EYA1: variants seen among roughly 807,000 people sequenced by gnomAD.
The protein encoded by EYA1 is EYA transcriptional coactivator and phosphatase 1.
A neutral mutation model predicts 82.0 loss-of-function variants in EYA1; 16 were observed. That is an observed-to-expected ratio of 0.20 (90% CI 0.13 to 0.30). The LOEUF (loss-of-function observed/expected upper bound fraction) is 0.30, where lower values mean the gene tolerates loss of function less well. EYA1 is among the 10% of genes least tolerant of loss of function. EYA1 has a pLI of 1.00. For synonymous variants in EYA1, 261 were observed against 264.4 expected (o/e 0.99, Z 0.12); for missense variants, 633 against 730.7 (o/e 0.87, Z 1.54).
intron 3 of EYA1, among the ~76,000 whole-genome samples, chr8:71,344,058 G>A (rs533048881): frequency 1.3e-5 from 2 of 152,160 alleles, no homozygotes; most frequent in African/African-American, 2.4e-5. Flanking sequence ...AAAGTAAGTT[G>A]CAGATATAAT....
chr8:71,294,810 G>A (rs995587442), intron 9 of EYA1, among the ~76,000 whole-genome samples: 18 of 152,124 alleles, frequency 1.2e-4, no homozygotes, highest in African/African-American at 4.1e-4. Flanking sequence ...AAAAAAGTTG[G>A]AAGACAGACA....
At chr8:71,506,096 T>G (rs1812173438) in intron 2 of EYA1, among the ~76,000 whole-genome samples, 1 of 152,216 alleles carries the variant, frequency 6.6e-6, no homozygotes, top group African/African-American at 2.4e-5. Context: ...ATTAAGCTTC[T>G]TTCCTTTATA....
chr8:71,198,664 T>C lies in EYA1; in HGVS notation c.*676A>G, dbSNP rs1219322841. 1.3e-5 allele frequency: 2 copies of C among 153,436 alleles called. No homozygotes were observed. Among genetic ancestry groups the C allele is most frequent in the Admixed American group, 1.3e-4 (2 of 15,398 alleles). 9.5% of individuals were successfully genotyped at this position (153,436 alleles called of 1,614,324 possible). A position where few individuals can be genotyped will look rare whatever the true frequency, so the allele number is the denominator to read the frequency against. On this transcript the variant is annotated 3_prime_UTR_variant, in exon 18 of 18. Transcript: ENST00000340726. ...GTGATGTACATATTATACGTTTAAATTAGACATACTTAAAACTACTATGCA... is the reference window on the plus strand; with the variant it reads ...GTGATGTACATATTATACGTTTAAACTAGACATACTTAAAACTACTATGCA...
intron 6 of EYA1, among the ~76,000 whole-genome samples, chr8:71,319,231 T>C (rs1822260482): frequency 2.0e-5 from 3 of 151,958 alleles, no homozygotes; most frequent in Non-Finnish European, 2.9e-5. Context: ...CCCAGGTTCA[T>C]GCCATTCTCC....
chr8:71,240,478 G>A (rs991822907), intron 12 of EYA1, among the ~76,000 whole-genome samples: 3 of 151,970 alleles, frequency 2.0e-5, no homozygotes, highest in Admixed American at 1.3e-4. Flanking sequence ...TGCTACTAAC[G>A]GGGTGAGCGT....
intron 2 of EYA1, among the ~76,000 whole-genome samples, chr8:71,394,949 G>C (rs369471953): frequency 3.9e-5 from 6 of 152,194 alleles, no homozygotes; most frequent in South Asian, 2.1e-4. Flanking sequence ...CCATTTGTTT[G>C]TATCCTCTTT....
At chr8:71,396,034 C>T (rs1392069886) in intron 2 of EYA1, among the ~76,000 whole-genome samples, 13 of 152,004 alleles carry the variant, frequency 8.6e-5, no homozygotes, top group African/African-American at 2.4e-4. Context: ...GTGTATGTGT[C>T]GAGGAATTTA....
At chr8:71,346,871 T>C (rs1825797492) in intron 3 of EYA1, among the ~76,000 whole-genome samples, 1 of 152,210 alleles carries the variant, frequency 6.6e-6, no homozygotes, top group Admixed American at 6.5e-5. Context: ...TTATAATCAT[T>C]CATGTATATT....
At chr8:71,256,747 C>A (rs956724254) in intron 11 of EYA1, among the ~76,000 whole-genome samples, 3 of 152,086 alleles carry the variant, frequency 2.0e-5, no homozygotes, top group African/African-American at 7.2e-5. Flanking sequence ...TGCCTATAAT[C>A]CCAACACTTT....
intron 3 of EYA1, among the ~76,000 whole-genome samples, chr8:71,337,205 A>G (rs1191343391): frequency 6.6e-6 from 1 of 152,194 alleles, no homozygotes; most frequent in Non-Finnish European, 1.5e-5. Flanking sequence ...CCACCCATCT[A>G]AAAAGGAAAA....
At chr8:71,411,690 C>T (rs1830598120) in intron 2 of EYA1, among the ~76,000 whole-genome samples, 1 of 149,226 alleles carries the variant, frequency 6.7e-6, no homozygotes, top group Admixed American at 6.7e-5. Flanking sequence ...TATCATCTCA[C>T]ACCAGTTAGA....
chr8:71,352,688 A>G (rs1826425564), intron 3 of EYA1, among the ~76,000 whole-genome samples: 1 of 152,234 alleles, frequency 6.6e-6, no homozygotes, highest in Non-Finnish European at 1.5e-5. Context: ...GAGATCACAT[A>G]ATTACCTAAA....
upstream of EYA1, among the ~76,000 whole-genome samples, chr8:71,362,597 A>G (rs2129080749): frequency 6.6e-6 from 1 of 152,322 alleles, no homozygotes; most frequent in East Asian, 1.9e-4. Flanking sequence ...TGAAAAAGCA[A>G]ACGTGCAAGC....
At chr8:71,280,870 T>C (rs1773848430) in intron 9 of EYA1, among the ~76,000 whole-genome samples, 1 of 152,134 alleles carries the variant, frequency 6.6e-6, no homozygotes, top group South Asian at 2.1e-4. Flanking sequence ...CACCTTAGCC[T>C]CCCATGTAGC....
intron 2 of EYA1, among the ~76,000 whole-genome samples, chr8:71,373,402 T>A: frequency 6.6e-6 from 1 of 152,046 alleles, no homozygotes; most frequent in East Asian, 1.9e-4. Context: ...TCAAAAAGAA[T>A]GAAATGCTTA....
At chr8:71,542,704 T>A (rs1240924606) in intron 1 of EYA1, among the ~76,000 whole-genome samples, 1 of 152,212 alleles carries the variant, frequency 6.6e-6, no homozygotes, top group Middle Eastern at 3.2e-3. Context: ...TTCCTTTTTC[T>A]CTGCAACCTC....
chr8:71,237,296 CTGAT>C (rs935953424), intron 12 of EYA1, among the ~76,000 whole-genome samples: 4 of 152,112 alleles, frequency 2.6e-5, no homozygotes, highest in East Asian at 1.9e-4. Context: ...GTGATCCGCC[CTGAT>C]TGATTATTAG....
At chr8:71,248,826 T>C (rs1813410110) in intron 11 of EYA1, among the ~76,000 whole-genome samples, 2 of 152,200 alleles carry the variant, frequency 1.3e-5, no homozygotes, top group African/African-American at 4.8e-5. Flanking sequence ...AAAGCTAACA[T>C]TGAACAGTTA....
At chr8:71,299,604 A>AT in intron 8 of EYA1, 34 bp downstream of exon 8, 1 of 1,164,878 alleles carries the variant, frequency 8.6e-7, no homozygotes, top group Non-Finnish European at 1.3e-6. Context: ...ATTTAAAGAT[A>AT]TTTTTCAGAA....
Sources: gnomAD v4.1 joint callset for allele counts (sites outside exome capture counted in the v4.1 genomes callset) on GRCh38, gnomAD v4.1.1 for gene constraint, MANE v1.5 for transcripts, NCBI Gene and HGNC (gene_info 2026-07-23, HGNC 2026-07-21) for gene names.